Variants in TENM3 observed in about 807,000 individuals in gnomAD.
The protein encoded by TENM3 is teneurin transmembrane protein 3.
A neutral mutation model predicts 255.1 loss-of-function variants in TENM3; 63 were observed. The ratio of observed to expected loss-of-function variants is 0.25; its 90% CI spans 0.20 to 0.30. The LOEUF is 0.30. TENM3 is among the 10% of genes least tolerant of loss of function. The pLI is 1.00. For missense variants in TENM3, 2,929 were observed against 3,461.1 expected (o/e 0.85, Z 3.86); for synonymous variants, 1,306 against 1,322.3 (o/e 0.99, Z 0.27).
the TENM3 span, among the ~76,000 whole-genome samples, chr4:181,765,285 G>A: frequency 4.6e-5 from 7 of 152,224 alleles, no homozygotes; most frequent in South Asian, 2.1e-4. Flanking sequence ...TAAAGTTGAC[G>A]TATGTATGAC....
chr4:182,117,834 C>A, the TENM3 span, among the ~76,000 whole-genome samples: 1 of 152,110 alleles, frequency 6.6e-6, no homozygotes, highest in Non-Finnish European at 1.5e-5. Context: ...AAAAAACTTA[C>A]TAAGATTTAA....
rs762887818 is a variant in TENM3 at position 182,628,699 on chromosome 4, T to G, written c.798T>G (p.Thr266=). The change falls in exon 5 of 28, where the codon ACT becomes ACG. Residue 266 remains threonine (T), a synonymous_variant. Transcript: ENST00000511685. ...TGTGTTPLFS[T]ATPGYTMASG... ...CAGGTACAACGCCACTGTTCAGTAC[T>G]GCAACCCCAGGATACACAATGGCAT... The G allele has an allele frequency of 2.5e-6, 4 of 1,606,548 alleles. No homozygotes were observed. The African/African-American group carries it at 5.3e-5, about 21-fold the overall frequency.
the TENM3 span, among the ~76,000 whole-genome samples, chr4:181,469,596 G>A: frequency 6.6e-6 from 1 of 152,172 alleles, no homozygotes; most frequent in Non-Finnish European, 1.5e-5. Flanking sequence ...ATGGCCAGAA[G>A]AGCAAGCTGT....
intron 3 of TENM3, among the ~76,000 whole-genome samples, chr4:182,404,142 A>G (rs1769394093): frequency 1.3e-5 from 2 of 152,116 alleles, no homozygotes; most frequent in Admixed American, 6.6e-5. Context: ...AATTCCTGAC[A>G]TTTTTGTTCC....
In TENM3 at chr4:182,680,671, C is replaced by T; in HGVS notation, c.1768C>T (p.Arg590Cys). The T allele has an allele frequency of 3.1e-6, 5 of 1,606,006 alleles. No individual in the cohort carries two copies. The highest frequency in any genetic ancestry group is 4.5e-5 in the East Asian group (2 of 44,778). Reference sequence around the variant, plus strand: ...GTGTATTGACCCACAGTGTGGGGGTCGTGGGATTTGTATCATGGGCTCTTG... The same window carrying T: ...GTGTATTGACCCACAGTGTGGGGGTTGTGGGATTTGTATCATGGGCTCTTG... ...TQCIDPQCGG[R>C]GICIMGSCAC... Residue 590 changes from arginine (R) to cysteine (C), a missense_variant, in exon 10 of 28, where the codon CGT (arginine) becomes TGT (cysteine). Arg to Cys is a radical substitution (Grantham distance 180). Transcript: ENST00000511685.
At chr4:181,571,860 A>T in the TENM3 span, among the ~76,000 whole-genome samples, 45,664 of 151,940 alleles carry the variant, frequency 0.3, 8,024 homozygotes, top group African/African-American at 0.49. Context: ...AACAGCACAG[A>T]TTGCAGTTTC....
intron 10 of TENM3, 43 bp from the exon 11 acceptor site, chr4:182,681,771 A>G (rs1344330325): frequency 2.1e-6 from 3 of 1,439,848 alleles, no homozygotes; most frequent in Admixed American, 2.0e-5. Context: ...ATGCACTATG[A>G]TATCTTCTGG....
chr4:182,371,964 G>T (rs1355006795), intron 3 of TENM3, among the ~76,000 whole-genome samples: 1 of 152,142 alleles, frequency 6.6e-6, no homozygotes, highest in African/African-American at 2.4e-5. Context: ...TTAATGAAAG[G>T]CTGTTCCACG....
chr4:181,793,653 G>A, the TENM3 span, among the ~76,000 whole-genome samples: 9 of 152,240 alleles, frequency 5.9e-5, 1 homozygote, highest in Middle Eastern at 3.4e-3. Context: ...ATTCCAAGAT[G>A]AAAACCTTTG....
intron 1 of TENM3, among the ~76,000 whole-genome samples, chr4:182,308,977 T>C (rs115751516): frequency 6.6e-6 from 1 of 152,324 alleles, no homozygotes; most frequent in Non-Finnish European, 1.5e-5. Context: ...CTAGCCAGGC[T>C]GGCTGTTTCC....
chr4:181,806,059 C>T, the TENM3 span, among the ~76,000 whole-genome samples: 8 of 152,120 alleles, frequency 5.3e-5, no homozygotes, highest in Admixed American at 5.2e-4. Flanking sequence ...CCTTTTAAAT[C>T]TTTATTTCCC....
At chr4:181,721,354 A>G in the TENM3 span, among the ~76,000 whole-genome samples, 1 of 151,672 alleles carries the variant, frequency 6.6e-6, no homozygotes, top group African/African-American at 2.4e-5. Flanking sequence ...GATCAAATTT[A>G]CATGATGGAA....
chr4:182,203,253 A>G (rs908757747), intron 1 of TENM3, among the ~76,000 whole-genome samples: 5 of 151,894 alleles, frequency 3.3e-5, no homozygotes, highest in Admixed American at 2.6e-4. Context: ...AAATGGGCTC[A>G]AATAGAATCT....
chr4:182,625,549 C>A (rs936205470), intron 4 of TENM3, among the ~76,000 whole-genome samples: 1 of 152,140 alleles, frequency 6.6e-6, no homozygotes, highest in African/African-American at 2.4e-5. Flanking sequence ...GTGCCAAAAA[C>A]GTTGGGGACC....
chr4:181,738,868 G>A, the TENM3 span, among the ~76,000 whole-genome samples: 6 of 151,902 alleles, frequency 3.9e-5, no homozygotes, highest in South Asian at 1.0e-3. Context: ...TTTCCCAAGC[G>A]AACCCTAAGG....
the TENM3 span, among the ~76,000 whole-genome samples, chr4:181,944,399 C>T: frequency 6.7e-6 from 1 of 149,928 alleles, no homozygotes; most frequent in Admixed American, 6.7e-5. Flanking sequence ...TGTTGGCCCT[C>T]AGCGAATGGG....
chr4:181,883,271 TG>T, the TENM3 span, among the ~76,000 whole-genome samples: 1 of 152,144 alleles, frequency 6.6e-6, no homozygotes, highest in Non-Finnish European at 1.5e-5. Flanking sequence ...GCTAAGAACC[TG>T]TGTGGGTGCA....
chr4:181,775,314 A>T, the TENM3 span, among the ~76,000 whole-genome samples: 1 of 152,004 alleles, frequency 6.6e-6, no homozygotes, highest in Non-Finnish European at 1.5e-5. Context: ...TAATAGACAC[A>T]GTTGTTATTT....
chr4:182,568,606 A>G (rs570759168), intron 3 of TENM3, among the ~76,000 whole-genome samples: 1 of 152,340 alleles, frequency 6.6e-6, no homozygotes, highest in South Asian at 2.1e-4. Flanking sequence ...GCAGTTGTCT[A>G]TAAAGTTAAA....
Sources: gnomAD v4.1 joint callset for allele counts (sites outside exome capture counted in the v4.1 genomes callset) on GRCh38, gnomAD v4.1.1 for gene constraint, MANE v1.5 for transcripts, NCBI Gene and HGNC (gene_info 2026-07-23, HGNC 2026-07-21) for gene names.